The following ATXN7L1 variants were observed in gnomAD, a reference collection of about 807,000 sequenced individuals.
ATXN7L1 encodes ataxin-7-like protein 1.
ATXN7L1 carries 15 observed loss-of-function variants against 70.8 expected under a neutral mutation model. That is an observed-to-expected ratio of 0.21 (90% CI 0.14 to 0.33). The LOEUF (loss-of-function observed/expected upper bound fraction) is 0.33, where lower values mean the gene tolerates loss of function less well. Among genes scored for constraint, ATXN7L1 ranks in the 10% least tolerant of loss-of-function variants. The pLI, the probability that ATXN7L1 is intolerant of heterozygous loss-of-function variation, is 1.00. For synonymous variants in ATXN7L1, 440 were observed against 445.1 expected, an observed-to-expected ratio of 0.99 and a Z score of 0.14; for missense variants, 975 against 1,097.1, an observed-to-expected ratio of 0.89 and a Z score of 1.57.
chr7:105,759,299 A>C (rs1035050696), intron 3 of ATXN7L1, among the ~76,000 whole-genome samples: 9 of 151,742 alleles, frequency 5.9e-5, no homozygotes, highest in African/African-American at 2.2e-4. Flanking sequence ...CGCTGAGATG[A>C]TAAATGCTGG....
At chr7:105,797,441 C>G (rs950585164) in intron 2 of ATXN7L1, among the ~76,000 whole-genome samples, 2 of 152,176 alleles carry the variant, frequency 1.3e-5, no homozygotes, top group Non-Finnish European at 2.9e-5. Flanking sequence ...TGTATGGAGG[C>G]GAAGGGGCTG....
chr7:105,854,015 G>A (rs1815308492), intron 2 of ATXN7L1, among the ~76,000 whole-genome samples: 1 of 152,158 alleles, frequency 6.6e-6, no homozygotes, highest in Non-Finnish European at 1.5e-5. Context: ...CTGGCTGAAA[G>A]GTGCCACATC....
chr7:105,629,971 C>G (rs538734832), intron 7 of ATXN7L1, among the ~76,000 whole-genome samples: 1 of 152,240 alleles, frequency 6.6e-6, no homozygotes, highest in East Asian at 1.9e-4. Flanking sequence ...GCATGCACCA[C>G]CACACCTGGC....
At chr7:105,641,645 C>A (rs1377978602) in intron 5 of ATXN7L1, among the ~76,000 whole-genome samples, 1 of 152,244 alleles carries the variant, frequency 6.6e-6, no homozygotes, top group Non-Finnish European at 1.5e-5. Context: ...GATGTTGCCA[C>A]CACCTCTGAA....
chr7:105,753,985 T>C (rs1025738032), intron 3 of ATXN7L1, among the ~76,000 whole-genome samples: 1 of 152,166 alleles, frequency 6.6e-6, no homozygotes, highest in African/African-American at 2.4e-5. Flanking sequence ...CCAAAAGCCA[T>C]TTTAATCCTT....
In ATXN7L1 at chr7:105,710,777, T is replaced by C. The variant is rs556327947; in HGVS notation, c.356-45489A>G. 6.5e-4 allele frequency among the ~76,000 whole-genome samples: 99 copies of C among 152,286 alleles called. 1 individual carries two copies. Among genetic ancestry groups the C allele is most frequent in the African/African-American group, 2.4e-3 (98 of 41,542 alleles). On this transcript the variant is annotated intron_variant, in intron 3 of 11. Coordinates refer to ENST00000419735, the MANE Select transcript of ATXN7L1 (RefSeq NM_020725.2). ...TGCCACACACTTTTAAAGCATCAGA[T>C]CTTGTGAGAACTCACTCACTATCAC...
chr7:105,868,212 G>A (rs1817757507), intron 2 of ATXN7L1, among the ~76,000 whole-genome samples: 1 of 152,160 alleles, frequency 6.6e-6, no homozygotes, highest in African/African-American at 2.4e-5. Context: ...CTACCTCAGT[G>A]AGGCCCCCCC....
At chr7:105,640,032 A>G (rs921763537) in intron 5 of ATXN7L1, among the ~76,000 whole-genome samples, 1 of 152,224 alleles carries the variant, frequency 6.6e-6, no homozygotes, top group Non-Finnish European at 1.5e-5. Flanking sequence ...CCCTGACTCC[A>G]GCTCCTGCCT....
chr7:105,718,907 C>G (rs760398772), intron 3 of ATXN7L1, among the ~76,000 whole-genome samples: 38 of 152,088 alleles, frequency 2.5e-4, no homozygotes, highest in South Asian at 6.2e-4. Context: ...GGAGGACCTC[C>G]CAGTTTAGGA....
chr7:105,649,998 G>A (rs1799610761), intron 4 of ATXN7L1, among the ~76,000 whole-genome samples: 1 of 152,226 alleles, frequency 6.6e-6, no homozygotes, highest in Non-Finnish European at 1.5e-5. Flanking sequence ...AGCAGTGATA[G>A]CATTAAGTCA....
intron 10 of ATXN7L1, 21 bp from the exon 11 acceptor site, chr7:105,610,624 C>T: frequency 6.5e-7 from 1 of 1,549,134 alleles, no homozygotes; most frequent in South Asian, 1.2e-5. Flanking sequence ...CCATTGAAGC[C>T]CCACTCAGAC....
At chr7:105,695,366 C>T (rs1250245157) in intron 3 of ATXN7L1, among the ~76,000 whole-genome samples, 1 of 151,518 alleles carries the variant, frequency 6.6e-6, no homozygotes, top group African/African-American at 2.4e-5. Context: ...CATGGCTTTT[C>T]TAGTGTTTCA....
chr7:105,683,989 T>A (rs896486120), intron 3 of ATXN7L1, among the ~76,000 whole-genome samples: 3 of 151,962 alleles, frequency 2.0e-5, no homozygotes, highest in African/African-American at 7.3e-5. Context: ...TCTTCAGGAG[T>A]GCAGTTGCTC....
intron 4 of ATXN7L1, among the ~76,000 whole-genome samples, chr7:105,664,500 TATATGTATA>T (rs986081370): frequency 5.5e-4 from 81 of 146,608 alleles, no homozygotes; most frequent in African/African-American, 1.9e-3. Flanking sequence ...ATATGTATAA[TATATGTATA>T]ATATATATAT....
chr7:105,670,011 G>A (rs374922105), intron 3 of ATXN7L1, among the ~76,000 whole-genome samples: 1 of 151,904 alleles, frequency 6.6e-6, no homozygotes, highest in East Asian at 1.9e-4. Context: ...CTAGGCTTTT[G>A]AAAATGGGTA....
intron 3 of ATXN7L1, among the ~76,000 whole-genome samples, chr7:105,679,704 C>T (rs1392786804): frequency 2.6e-5 from 4 of 152,016 alleles, no homozygotes; most frequent in Non-Finnish European, 4.4e-5. Context: ...AAAGGCCACA[C>T]GTTATATGAA....
chr7:105,729,361 T>C (rs1796265947), intron 3 of ATXN7L1, among the ~76,000 whole-genome samples: 1 of 151,060 alleles, frequency 6.6e-6, no homozygotes, highest in South Asian at 2.1e-4. Flanking sequence ...AAATTTTCCT[T>C]GCAGAAAAAT....
At chr7:105,641,214 C>CTTTTTTTTTTTTTTT (rs561100060) in intron 5 of ATXN7L1, among the ~76,000 whole-genome samples, 4 of 21,792 alleles carry the variant, frequency 1.8e-4, no homozygotes, top group African/African-American at 3.3e-4. Context: ...CTCTCTCTCT[C>CTTTTTTTTTTTTTTT]TTTTTTTTTT....
At chr7:105,806,981 G>A (rs1308607977) in intron 2 of ATXN7L1, among the ~76,000 whole-genome samples, 1 of 152,242 alleles carries the variant, frequency 6.6e-6, no homozygotes, top group Non-Finnish European at 1.5e-5. Flanking sequence ...TAGTCTGCAA[G>A]AAGCCAGCAG....
Sources: allele counts gnomAD v4.1 joint callset (sites outside exome capture counted in the v4.1 genomes callset), GRCh38; gene constraint gnomAD v4.1.1; transcripts MANE v1.5; gene names NCBI Gene and HGNC (gene_info 2026-07-23, HGNC 2026-07-21).